R3HDML: variants seen among roughly 807,000 people sequenced by gnomAD.
The protein encoded by R3HDML is R3H domain containing like, also known as peptidase inhibitor R3HDML.
In R3HDML, 21 loss-of-function variants were observed where a neutral mutation model predicts 24.2. The observed-to-expected ratio is 0.87, with a 90% CI of 0.62 to 1.25. The LOEUF (loss-of-function observed/expected upper bound fraction) is 1.25, where lower values mean the gene tolerates loss of function less well. Ranked by LOEUF, R3HDML falls within the 50% of genes most tolerant of loss-of-function variation. R3HDML has a pLI of 0.00. For missense variants in R3HDML, 301 were observed against 340.3 expected (o/e 0.88, Z 0.91); for synonymous variants, 133 against 131.5 (o/e 1.01, Z -0.08).
chr20:44,339,597 G>GTGTGTGTGTGTC (rs1287090149), intron 1 of R3HDML, among the ~76,000 whole-genome samples: 225 of 151,554 alleles, frequency 1.5e-3, no homozygotes, highest in African/African-American at 5.2e-3. Context: ...GTGTGTGTGT[G>GTGTGTGTGTGTC]TGTGTGTGTC....
Position 44,343,425 on chromosome 20 carries a change from G to T in R3HDML, c.429G>T (p.Trp143Cys). The T allele has an allele frequency of 6.2e-7, 1 of 1,613,078 alleles. No individual in the cohort carries two copies. The highest frequency in any genetic ancestry group is 1.1e-5 in the South Asian group (1 of 90,864). ...DLMKSWSEEK[W>C]HYLFPAPRDC... is the part of the protein sequence containing the mutation. The stretch of plus-strand genomic sequence containing the variant: ...TGAAGTCCTGGTCTGAGGAGAAGTG[G>T]CATTACTTGTTTCCGGCCCCAAGGG... Residue 143 changes from tryptophan (W) to cysteine (C), a missense_variant, in exon 3 of 5, where the codon TGG becomes TGT. Physicochemically the swap from Trp to Cys is radical, Grantham distance 215. Coordinates refer to ENST00000217043, the MANE Select transcript of R3HDML (RefSeq NM_178491.4).
At chr20:44,345,681 TC>T (rs1472413672) in intron 4 of R3HDML, among the ~76,000 whole-genome samples, 2 of 151,506 alleles carry the variant, frequency 1.3e-5, no homozygotes, top group African/African-American at 4.9e-5. Context: ...TCATCTGTAG[TC>T]CTAGATACTG....
At chr20:44,349,705 G>A (rs2062803047) in intron 4 of R3HDML, among the ~76,000 whole-genome samples, 1 of 152,238 alleles carries the variant, frequency 6.6e-6, no homozygotes, top group Non-Finnish European at 1.5e-5. Context: ...AATGCCACAG[G>A]CCAGTGGTGA....
At position 44,350,715 on chromosome 20, in the gene R3HDML, C is replaced by T. The variant is rs767006671; in HGVS notation, c.685C>T (p.Pro229Ser). 1.2e-6 allele frequency: 2 copies of T among 1,613,882 alleles called. No individual in the cohort carries two copies. Among genetic ancestry groups the T allele is most frequent in the Admixed American group, 1.7e-5 (1 of 59,958 alleles). The change falls in exon 5 of 5, where the codon CCC becomes TCC. Residue 229 changes from proline (P) to serine (S), a missense_variant. Physicochemically the swap from Pro to Ser is moderately conservative, Grantham distance 74 (BLOSUM62 -1). Transcript: ENST00000217043. ...GATGGGAAAGCCGTGCTCCTCCTGT[C>T]CCCCCAGTTATCAAGGCAGCTGCAA... Reference protein sequence around the residue: ...YKMGKPCSSCPPSYQGSCNSN... With the variant: ...YKMGKPCSSCSPSYQGSCNSN...
chr20:44,338,991 TG>T (rs1342515627), intron 1 of R3HDML, among the ~76,000 whole-genome samples: 1 of 150,240 alleles, frequency 6.7e-6, no homozygotes, highest in African/African-American at 2.5e-5. Context: ...GAGAATCGCT[TG>T]AACCTGGGAG....
chr20:44,342,556 T>C (rs1251679351), intron 2 of R3HDML, among the ~76,000 whole-genome samples: 6 of 152,254 alleles, frequency 3.9e-5, no homozygotes, highest in Admixed American at 6.5e-5. Flanking sequence ...GAAGCTGTGC[T>C]GTCGTAAATT....
intron 1 of R3HDML, 122 bp from the exon 2 acceptor site, chr20:44,341,074 G>A: frequency 1.3e-6 from 1 of 764,440 alleles, no homozygotes; most frequent in South Asian, 1.7e-5. Context: ...TGTCACGTGG[G>A]TTTGTTGCAG....
chr20:44,348,928 A>G (rs2062799620), intron 4 of R3HDML, among the ~76,000 whole-genome samples: 1 of 152,202 alleles, frequency 6.6e-6, no homozygotes, highest in Non-Finnish European at 1.5e-5. Context: ...AGGCAAGTGG[A>G]TCACCTGAGG....
At chr20:44,347,948 C>T (rs942199642) in intron 4 of R3HDML, 30 of 145,110 alleles carry the variant, frequency 2.1e-4, no homozygotes, top group South Asian at 1.7e-3. Flanking sequence ...TTACAAATAG[C>T]GTCTAATTTT....
rs998579213 is a variant in R3HDML, at chr20:44,343,467, C to T, written c.471C>T (p.Cys157=). The change falls in exon 3 of 5, where the codon TGC becomes TGT. Residue 157 remains cysteine, a synonymous_variant. Transcript: ENST00000217043. Reference sequence around the variant, plus strand: ...CCCCAAGGGACTGTAACCCACACTGCCCCTGGCGCTGCGATGGCCCCACCT... The same window carrying T: ...CCCCAAGGGACTGTAACCCACACTGTCCCTGGCGCTGCGATGGCCCCACCT... ...FPAPRDCNPH[C]PWRCDGPTCS... is the part of the protein sequence containing the mutation. 6.2e-7 allele frequency: 1 copy of T among 1,612,642 alleles called. No individual in the cohort carries two copies. Among genetic ancestry groups the T allele is most frequent in the African/African-American group, 1.3e-5 (1 of 74,996 alleles).
chr20:44,342,543 C>T (rs1455711151), intron 2 of R3HDML, among the ~76,000 whole-genome samples: 3 of 152,212 alleles, frequency 2.0e-5, no homozygotes, highest in African/African-American at 7.2e-5. Context: ...CAGTGTTAGA[C>T]ACGAAGCTGT....
chr20:44,351,057 CAG>C lies in R3HDML; in HGVS notation c.*269_*270del, dbSNP rs762312246. The C allele has an allele frequency of 1.7e-4, 63 of 378,512 alleles. 1 individual carries two copies. The highest frequency in any genetic ancestry group is 7.3e-4 in the Middle Eastern group (1 of 1,372). The allele number at this position is 378,512 out of a possible 1,614,324, so 23.4% of individuals were successfully genotyped here. A position where few individuals can be genotyped will look rare whatever the true frequency, so the allele number is the denominator to read the frequency against. ...CTGCATCTTTCATTAATTCGGTTCT[CAG>C]AGAACCAAGGCTGGAAGGCATAGAA... On this transcript the variant is annotated 3_prime_UTR_variant, in exon 5 of 5. Coordinates refer to ENST00000217043, the MANE Select transcript of R3HDML (RefSeq NM_178491.4).
chr20:44,341,607 G>A (rs927741769), intron 2 of R3HDML, among the ~76,000 whole-genome samples: 7 of 152,136 alleles, frequency 4.6e-5, no homozygotes, highest in Admixed American at 2.0e-4. Context: ...TAAGGGGGCC[G>A]GGCACGGTGG....
intron 2 of R3HDML, 21 bp downstream of exon 2, chr20:44,341,335 C>A: frequency 6.4e-7 from 1 of 1,556,844 alleles, no homozygotes; most frequent in Non-Finnish European, 8.9e-7. Context: ...CTCTGCCCTT[C>A]CTTCACTCAG....
At chr20:44,347,189 C>A (rs1006399141) in intron 4 of R3HDML, among the ~76,000 whole-genome samples, 5 of 151,756 alleles carry the variant, frequency 3.3e-5, no homozygotes, top group African/African-American at 1.2e-4. Context: ...TCTAAGTAAA[C>A]ATGATATTTA....
In R3HDML at chr20:44,345,160, G is replaced by C. The variant is rs556039646; in HGVS notation, c.514-103G>C. On this transcript the variant is annotated intron_variant, in intron 3 of 4. Transcript: ENST00000217043. ...CCCAACACCTTGGAACAGGCAGACT[G>C]TCTCTCCCAGGAAGACCTCACCTAA... The C allele has an allele frequency of 3.0e-5, 26 of 859,630 alleles. 1 individual carries two copies. Among genetic ancestry groups the C allele is most frequent in the African/African-American group, 2.6e-4 (16 of 60,662 alleles). 53.3% of individuals were successfully genotyped at this position (859,630 alleles called of 1,614,324 possible).
intron 1 of R3HDML, among the ~76,000 whole-genome samples, chr20:44,339,062 TAAAA>T (rs750054379): frequency 1.8e-5 from 2 of 111,558 alleles, no homozygotes; most frequent in Non-Finnish European, 3.6e-5. Flanking sequence ...AAACTCTATC[TAAAA>T]AAAAAAAAAA....
chr20:44,345,238 C>G (rs1248428827), intron 3 of R3HDML, 25 bp from the exon 4 acceptor site: 1 of 1,593,216 alleles, frequency 6.3e-7, no homozygotes, highest in Non-Finnish European at 8.6e-7. Context: ...TTCTCATAGC[C>G]CCCTCTGTCT....
intron 4 of R3HDML, among the ~76,000 whole-genome samples, chr20:44,349,397 G>A (rs2062801907): frequency 6.7e-6 from 1 of 149,374 alleles, no homozygotes; most frequent in South Asian, 2.1e-4. Context: ...GTCATCCCAG[G>A]TATCACCACC....
Sources: allele counts gnomAD v4.1 joint callset (sites outside exome capture counted in the v4.1 genomes callset), GRCh38; gene constraint gnomAD v4.1.1; transcripts MANE v1.5; gene names NCBI Gene and HGNC (gene_info 2026-07-23, HGNC 2026-07-21).